MYO1B: variants seen among roughly 807,000 people sequenced by gnomAD.
MYO1B encodes the protein unconventional myosin-Ib.
A neutral mutation model predicts 159.7 loss-of-function variants in MYO1B; 72 were observed. That is an observed-to-expected ratio of 0.45 (90% CI 0.37 to 0.55). The LOEUF (loss-of-function observed/expected upper bound fraction) is 0.55. Among genes scored for constraint, MYO1B ranks in the 20% least tolerant of loss-of-function variants. The pLI is 0.00. For synonymous variants in MYO1B, 468 were observed against 473.8 expected, an observed-to-expected ratio of 0.99 and a Z score of 0.16; for missense variants, 1,062 against 1,364.8, an observed-to-expected ratio of 0.78 and a Z score of 3.50.
chr2:191,252,594 G>A (rs981158085), intron 1 of MYO1B, among the ~76,000 whole-genome samples: 6 of 152,114 alleles, frequency 3.9e-5, no homozygotes, highest in African/African-American at 1.4e-4. Flanking sequence ...GCAGAATGTT[G>A]CTATTGAAAA....
intron 7 of MYO1B, among the ~76,000 whole-genome samples, chr2:191,359,634 A>G (rs1387506117): frequency 6.6e-6 from 1 of 152,176 alleles, no homozygotes; most frequent in Admixed American, 6.5e-5. Flanking sequence ...AGAAATACAA[A>G]TTAAAAAGTT....
intron 3 of MYO1B, among the ~76,000 whole-genome samples, chr2:191,319,331 A>T (rs566136971): frequency 6.6e-6 from 1 of 152,112 alleles, no homozygotes; most frequent in African/African-American, 2.4e-5. Context: ...AAGCCCTACT[A>T]TGTTGACCAT....
chr2:191,253,061 GA>G (rs71030331), intron 1 of MYO1B, among the ~76,000 whole-genome samples: 1 of 148,928 alleles, frequency 6.7e-6, no homozygotes, highest in Admixed American at 6.7e-5. Context: ...TAGTAAGTTG[GA>G]AAAAAAAACA....
At chr2:191,254,599 G>A (rs1038419731) in intron 1 of MYO1B, among the ~76,000 whole-genome samples, 5 of 151,808 alleles carry the variant, frequency 3.3e-5, no homozygotes, top group African/African-American at 1.2e-4. Flanking sequence ...TCATACTCCT[G>A]GACTCAAATG....
intron 2 of MYO1B, among the ~76,000 whole-genome samples, chr2:191,289,632 C>A (rs1688582930): frequency 6.6e-6 from 1 of 152,082 alleles, no homozygotes; most frequent in African/African-American, 2.4e-5. Context: ...GCCCAGCAAA[C>A]AGAGGCTTTA....
intron 1 of MYO1B, among the ~76,000 whole-genome samples, chr2:191,264,846 GT>G (rs142487906): frequency 1.3e-5 from 2 of 149,516 alleles, no homozygotes; most frequent in African/African-American, 2.5e-5. Context: ...GTTGAGCCTT[GT>G]TTTTTTTTGT....
At chr2:191,261,507 T>C (rs1387413630) in intron 1 of MYO1B, among the ~76,000 whole-genome samples, 1 of 152,218 alleles carries the variant, frequency 6.6e-6, no homozygotes, top group Non-Finnish European at 1.5e-5. Flanking sequence ...TGTGTGTCCG[T>C]TGTGGATCAG....
chr2:191,296,824 C>T (rs992962715), intron 3 of MYO1B, among the ~76,000 whole-genome samples: 1 of 152,164 alleles, frequency 6.6e-6, no homozygotes, highest in Non-Finnish European at 1.5e-5. Context: ...CGTTGACGTG[C>T]TTAAGAGATG....
intron 3 of MYO1B, among the ~76,000 whole-genome samples, chr2:191,313,473 C>T (rs1690151683): frequency 6.6e-6 from 1 of 152,122 alleles, no homozygotes; most frequent in African/African-American, 2.4e-5. Context: ...CAAGCTCCGC[C>T]TCCCGGGTTC....
chr2:191,355,303 G>A (rs534121166), intron 7 of MYO1B, among the ~76,000 whole-genome samples: 4 of 152,320 alleles, frequency 2.6e-5, no homozygotes, highest in African/African-American at 4.8e-5. Context: ...TCCAGCTGGC[G>A]CCCACAATCG....
At chr2:191,418,781 G>A (rs998258894) in intron 30 of MYO1B, among the ~76,000 whole-genome samples, 2 of 152,118 alleles carry the variant, frequency 1.3e-5, no homozygotes, top group East Asian at 1.9e-4. Flanking sequence ...GAGCCACCGC[G>A]CCCAGCCTGT....
In MYO1B at chr2:191,329,967, T is replaced by C. The variant is rs1346441659; in HGVS notation, c.284T>C (p.Leu95Pro). 1 of 1,612,626 alleles carries C rather than the reference T, an allele frequency of 6.2e-7. No individual in the cohort carries two copies. Among genetic ancestry groups the C allele is most frequent in the Admixed American group, 1.7e-5 (1 of 59,924 alleles). ...FALSDEAYRS[L>P]RDQDKDQCIL... Reference sequence around the variant, plus strand: ...CTTTCGGATGAAGCATACAGATCCCTACGAGATCAAGATAAGGACCAATGT... The same window carrying C: ...CTTTCGGATGAAGCATACAGATCCCCACGAGATCAAGATAAGGACCAATGT... The change falls in exon 4 of 31, where the codon CTA becomes CCA. Residue 95 changes from leucine (L) to proline (P), a missense_variant. Physicochemically the swap from Leu to Pro is moderately conservative, Grantham distance 98 (BLOSUM62 -3). This residue lies in a region of MYO1B where 415 missense variants were observed against 544.0 expected (regional missense o/e 0.76). Transcript: ENST00000392318.
chr2:191,362,551 T>C (rs1020261278), intron 9 of MYO1B, among the ~76,000 whole-genome samples, 180 bp downstream of exon 9: 1 of 152,206 alleles, frequency 6.6e-6, no homozygotes, highest in Non-Finnish European at 1.5e-5. Flanking sequence ...TCACACAAGA[T>C]TGTGAAGGCC....
intron 7 of MYO1B, among the ~76,000 whole-genome samples, chr2:191,351,614 C>A (rs1692931816): frequency 1.3e-5 from 2 of 152,320 alleles, no homozygotes; most frequent in South Asian, 4.1e-4. Flanking sequence ...TGGCTGGGCG[C>A]AATGGCTCAT....
At chr2:191,328,665 T>C (rs1157286661) in intron 3 of MYO1B, among the ~76,000 whole-genome samples, 1 of 152,212 alleles carries the variant, frequency 6.6e-6, no homozygotes, top group Admixed American at 6.5e-5. Flanking sequence ...TGTTTTTCAT[T>C]TGGAACCTGC....
intron 1 of MYO1B, among the ~76,000 whole-genome samples, chr2:191,254,810 A>G (rs529211147): frequency 6.6e-6 from 1 of 152,256 alleles, no homozygotes; most frequent in Non-Finnish European, 1.5e-5. Context: ...AATTATATGC[A>G]GTACTTTTAG....
intron 7 of MYO1B, among the ~76,000 whole-genome samples, chr2:191,355,956 A>G (rs536514617): frequency 1.1e-4 from 17 of 152,182 alleles, no homozygotes; most frequent in Middle Eastern, 3.4e-3. Context: ...TTCATGTGCT[A>G]TCTCGTGGCA....
chr2:191,421,475 C>CT lies in MYO1B; in HGVS notation c.3288-2356dup, dbSNP rs201520033. Among the ~76,000 whole-genome samples the CT allele has an allele frequency of 6.9e-3, 1,054 of 152,186 alleles. 9 individuals are homozygous for CT. The highest frequency in any genetic ancestry group is 0.024 in the African/African-American group (1,017 of 41,530). ...TACATTTATTACACTTACAAGTGGTCTTTTTTATTTATTTTGAGGCAGAGT... is the reference window on the plus strand; with the variant it reads ...TACATTTATTACACTTACAAGTGGTCTTTTTTTATTTATTTTGAGGCAGAGT... On this transcript the variant is annotated intron_variant, in intron 30 of 30. Coordinates refer to ENST00000392318, the MANE Select transcript of MYO1B (RefSeq NM_001130158.3).
chr2:191,287,419 A>G (rs1194156099), intron 2 of MYO1B, among the ~76,000 whole-genome samples: 2 of 151,874 alleles, frequency 1.3e-5, no homozygotes, highest in African/African-American at 4.8e-5. Flanking sequence ...AATCCCAGCT[A>G]CTCGGGAGGC....
Sources: allele counts gnomAD v4.1 joint callset (sites outside exome capture counted in the v4.1 genomes callset), GRCh38; gene constraint gnomAD v4.1.1; regional missense constraint gnomAD v4.1.1; transcripts MANE v1.5; gene names NCBI Gene and HGNC (gene_info 2026-07-23, HGNC 2026-07-21).